The following CATSPERD variants were observed in gnomAD, a reference collection of about 807,000 sequenced individuals.
The protein encoded by CATSPERD is catsper channel auxiliary subunit delta.
Under a neutral mutation model 98.1 loss-of-function variants are expected in CATSPERD, and 86 were observed. The observed-to-expected ratio is 0.88, with a 90% CI of 0.74 to 1.05. CATSPERD has a LOEUF of 1.05. CATSPERD is among the 50% of genes least tolerant of loss of function. The pLI is 0.00. For synonymous variants in CATSPERD, 394 were observed against 390.2 expected, an observed-to-expected ratio of 1.01 and a Z score of -0.12; for missense variants, 995 against 1,005.7, an observed-to-expected ratio of 0.99 and a Z score of 0.14.
chr19:5,731,677 G>A (rs1344404812), intron 4 of CATSPERD, among the ~76,000 whole-genome samples: 2 of 139,072 alleles, frequency 1.4e-5, no homozygotes, highest in East Asian at 2.4e-4. Flanking sequence ...CCGGGTTCAC[G>A]CCATTCTCCT....
At chr19:5,762,920 AATAG>A (rs771505073) in intron 15 of CATSPERD, among the ~76,000 whole-genome samples, 49 of 137,404 alleles carry the variant, frequency 3.6e-4, no homozygotes, top group Non-Finnish European at 5.3e-4. Flanking sequence ...TAGAGAGATG[AATAG>A]ATAGATGGAT....
At chr19:5,755,126 G>A (rs1320641832) in intron 13 of CATSPERD, among the ~76,000 whole-genome samples, 1 of 152,058 alleles carries the variant, frequency 6.6e-6, no homozygotes, top group Non-Finnish European at 1.5e-5. Flanking sequence ...TTACAGGCGT[G>A]AGCCACCATG....
chr19:5,757,784 T>G (rs1315839859), intron 13 of CATSPERD, 59 bp from the exon 14 acceptor site: 2 of 1,338,092 alleles, frequency 1.5e-6, no homozygotes, highest in East Asian at 2.3e-5. Flanking sequence ...TGTGGGGGTT[T>G]GTCACCCCGT....
In CATSPERD at chr19:5,776,299, G is replaced by T; in HGVS notation, c.2080G>T (p.Val694Leu). 6.2e-7 allele frequency: 1 copy of T among 1,614,138 alleles called. No individual in the cohort carries two copies. Among genetic ancestry groups the T allele is most frequent in the Non-Finnish European group, 8.5e-7 (1 of 1,180,016 alleles). ...CTTTTATGTCTTCTACATTTCGATC[G>T]TGGATCCGTACTACAGGTGAGTGGG... is the stretch of plus-strand genomic sequence containing the variant. ...NGFYVFYISI[V>L]DPYYSYCQLE... Residue 694 changes from valine to leucine, a missense_variant, in exon 21 of 22, where the codon GTG (valine) becomes TTG (leucine). Physicochemically the swap from Val to Leu is conservative, Grantham distance 32. Transcript: ENST00000381624.
chr19:5,745,202 C>T (rs893340596), intron 8 of CATSPERD, among the ~76,000 whole-genome samples: 2 of 152,066 alleles, frequency 1.3e-5, no homozygotes, highest in East Asian at 1.9e-4. Flanking sequence ...TCCGCCGCCG[C>T]GGCCTCCCCC....
chr19:5,721,418 T>G (rs2055472664), intron 1 of CATSPERD, among the ~76,000 whole-genome samples: 1 of 152,176 alleles, frequency 6.6e-6, no homozygotes, highest in African/African-American at 2.4e-5. Context: ...GTGCTGGGAT[T>G]GCAGGCGTGA....
chr19:5,776,093 G>C, intron 20 of CATSPERD, 68 bp from the exon 21 acceptor site: 1 of 1,526,234 alleles, frequency 6.6e-7, no homozygotes, highest in African/African-American at 1.4e-5. Context: ...GCCTCCGCAG[G>C]GAGGAGGGAG....
rs142926635 is a variant in CATSPERD at position 5,752,428 on chromosome 19, G to A, written c.1164+605G>A. Among the ~76,000 whole-genome samples, 1,155 of 151,634 alleles carry A rather than the reference G, an allele frequency of 7.6e-3. 22 individuals are homozygous for A. The highest frequency in any genetic ancestry group is 0.026 in the African/African-American group (1,087 of 41,348). ...GTTCGAGGCTGCAGTGAGCTATGATGGAGTCACTGCACTCCAGCCTGGGTG... is the reference window on the plus strand; with the variant it reads ...GTTCGAGGCTGCAGTGAGCTATGATAGAGTCACTGCACTCCAGCCTGGGTG... On this transcript the variant is annotated intron_variant, in intron 12 of 21. Coordinates refer to ENST00000381624, the MANE Select transcript of CATSPERD (RefSeq NM_152784.4).
intron 15 of CATSPERD, among the ~76,000 whole-genome samples, chr19:5,761,416 A>AATGGATGG (rs550185518): frequency 3.0e-4 from 6 of 19,818 alleles, no homozygotes; most frequent in African/African-American, 9.3e-4. Context: ...TTCAGAAATT[A>AATGGATGG]ATGGATGGAT....
chr19:5,762,961 G>A (rs2056470543), intron 15 of CATSPERD, among the ~76,000 whole-genome samples: 1 of 147,676 alleles, frequency 6.8e-6, no homozygotes, highest in Admixed American at 6.8e-5. Context: ...AGATGGATGA[G>A]TGGATGGATG....
In CATSPERD at chr19:5,727,296, C is replaced by A. The variant is rs778749794; in HGVS notation, c.155C>A (p.Thr52Lys). The A allele has an allele frequency of 1.9e-6, 3 of 1,613,800 alleles. No homozygotes were observed. The highest frequency in any genetic ancestry group is 3.3e-5 in the Admixed American group (2 of 60,004). ...GDRLYFHPTT[T>K]RLIKHPCEKN... ...CGCCTGTATTTTCATCCTACAACAA[C>A]ACGCTTGATTAAACATCCTTGCGAG... The change falls in exon 3 of 22, where the codon ACA (threonine) becomes AAA (lysine). Residue 52 changes from threonine to lysine, a missense_variant. By Grantham distance (78) the Thr-to-Lys change is moderately conservative. Around this residue, in one of 3 missense-constraint regions of CATSPERD, gnomAD observed 228 missense variants for 209.6 expected, o/e 1.09. Transcript: ENST00000381624.
intron 20 of CATSPERD, among the ~76,000 whole-genome samples, chr19:5,773,391 C>T (rs527254523): frequency 2.0e-4 from 31 of 152,180 alleles, no homozygotes; most frequent in Admixed American, 8.5e-4. Flanking sequence ...AGGAACTGAC[C>T]GAAGGACGGG....
At chr19:5,753,172 A>G (rs962799795) in intron 12 of CATSPERD, among the ~76,000 whole-genome samples, 2 of 152,082 alleles carry the variant, frequency 1.3e-5, no homozygotes, top group African/African-American at 4.8e-5. Flanking sequence ...AAACCTGTAG[A>G]TTGAAAGAGG....
chr19:5,739,533 C>CT, intron 7 of CATSPERD, 94 bp downstream of exon 7: 1 of 710,626 alleles, frequency 1.4e-6, no homozygotes, highest in Non-Finnish European at 2.4e-6. Flanking sequence ...GTGTTTTCCT[C>CT]TTTAAGAGTC....
chr19:5,741,741 G>A (rs574300936), intron 7 of CATSPERD, among the ~76,000 whole-genome samples: 1 of 142,732 alleles, frequency 7.0e-6, no homozygotes, highest in South Asian at 2.3e-4. Flanking sequence ...CTGTCCAGGC[G>A]CGGTGCCTCA....
chr19:5,754,125 T>A lies in CATSPERD; in HGVS notation c.1165-7T>A, dbSNP rs772569532. On this transcript the variant is annotated splice_region_variant and splice_polypyrimidine_tract_variant and intron_variant, in intron 12 of 21. Coordinates refer to ENST00000381624, the MANE Select transcript of CATSPERD (RefSeq NM_152784.4). ...TGATTATCTTTCTTCTTCGCCTTTT[T>A]AACTAGATAGAGTTTCTGACAGGAG... is the stretch of plus-strand genomic sequence containing the variant. The A allele has an allele frequency of 6.3e-7, 1 of 1,575,026 alleles. No individual in the cohort carries two copies. Among genetic ancestry groups the A allele is most frequent in the South Asian group, 1.1e-5 (1 of 90,286 alleles).
At chr19:5,773,043 G>T in intron 20 of CATSPERD, 78 bp downstream of exon 20, 1 of 1,432,872 alleles carries the variant, frequency 7.0e-7, no homozygotes, top group Non-Finnish European at 9.5e-7. Context: ...GACACCGTGC[G>T]GCCATGGAAC....
At chr19:5,760,503 A>C (rs1018830125) in intron 15 of CATSPERD, among the ~76,000 whole-genome samples, 6 of 150,346 alleles carry the variant, frequency 4.0e-5, no homozygotes, top group Non-Finnish European at 4.4e-5. Context: ...AAAAGGACAA[A>C]TCCTGTGTGA....
chr19:5,771,529 C>T (rs538230588), intron 19 of CATSPERD, among the ~76,000 whole-genome samples: 33 of 151,908 alleles, frequency 2.2e-4, no homozygotes, highest in Admixed American at 2.0e-4. Flanking sequence ...TGAGCCACTG[C>T]GCCCGGCCGA....
Sources: allele counts gnomAD v4.1 joint callset (sites outside exome capture counted in the v4.1 genomes callset), GRCh38; gene constraint gnomAD v4.1.1; regional missense constraint gnomAD v4.1.1; transcripts MANE v1.5; gene names NCBI Gene and HGNC (gene_info 2026-07-23, HGNC 2026-07-21).